YY1AP1: variants seen among roughly 807,000 people sequenced by gnomAD.
YY1AP1 encodes YY1-associated protein 1.
A neutral mutation model predicts 39.9 loss-of-function variants in YY1AP1; 43 were observed. That is an observed-to-expected ratio of 1.08 (90% CI 0.84 to 1.39). The LOEUF is 1.39. Ranked by LOEUF, YY1AP1 falls within the 40% of genes most tolerant of loss-of-function variation. YY1AP1 has a pLI of 0.00. For synonymous variants in YY1AP1, 292 were observed against 331.3 expected, an observed-to-expected ratio of 0.88 and a Z score of 1.29; for missense variants, 813 against 900.7, an observed-to-expected ratio of 0.90 and a Z score of 1.25.
At position 155,659,484 on chromosome 1, in the gene YY1AP1, CA is replaced by C; in HGVS notation, c.*172del. The C allele has an allele frequency of 7.5e-6, 5 of 665,972 alleles. No individual in the cohort carries two copies. In the East Asian group the frequency reaches 1.3e-4, roughly 17 times the overall value. 41.3% of individuals were successfully genotyped at this position (665,972 alleles called of 1,614,324 possible). A position where few individuals can be genotyped will look rare whatever the true frequency, so the allele number is the denominator to read the frequency against. On this transcript the variant is annotated 3_prime_UTR_variant, in exon 11 of 11. Coordinates refer to ENST00000355499, the MANE Select transcript of YY1AP1 (RefSeq NM_139119.3). The stretch of plus-strand genomic sequence containing the variant: ...CAATAAAAGCACAGATTTATTGAAG[CA>C]AAAGTATATTCCACAGAGTGGGAGC...
In YY1AP1 at chr1:155,670,936, G is replaced by A. The variant is rs528509509; in HGVS notation, c.584-472C>T. 1.7e-4 allele frequency: 29 copies of A among 168,548 alleles called. No individual in the cohort carries two copies. In the South Asian group the frequency reaches 4.1e-3, roughly 24 times the overall value. 10.4% of individuals were successfully genotyped at this position (168,548 alleles called of 1,614,324 possible). A position where few individuals can be genotyped will look rare whatever the true frequency, so the allele number is the denominator to read the frequency against. On this transcript the variant is annotated intron_variant, in intron 7 of 10. Transcript: ENST00000355499. ...TCCGACAGCCTCGGCCTCCTAAAGT[G>A]TTGGATTACAGGCGTAAGCCACGGC...
chr1:155,677,115 T>G (rs182291297), intron 4 of YY1AP1, among the ~76,000 whole-genome samples: 74 of 152,274 alleles, frequency 4.9e-4, no homozygotes, highest in Admixed American at 1.1e-3. Context: ...CTCCCTGGGA[T>G]GTTACTCCCA....
chr1:155,673,943 C>T (rs1027763285), intron 6 of YY1AP1, among the ~76,000 whole-genome samples: 10 of 152,026 alleles, frequency 6.6e-5, no homozygotes, highest in South Asian at 2.1e-4. Flanking sequence ...GGGCGGATCA[C>T]GAGGTCAGGA....
intron 6 of YY1AP1, 146 bp from the exon 7 acceptor site, chr1:155,672,877 T>C: frequency 9.1e-7 from 1 of 1,104,384 alleles, no homozygotes; most frequent in Non-Finnish European, 1.3e-6. Flanking sequence ...AATAAACTAC[T>C]GTTAAGATTA....
In YY1AP1 at chr1:155,681,253, C is replaced by T. The variant is rs1257370968; in HGVS notation, c.-20-797G>A. On this transcript the variant is annotated intron_variant, in intron 2 of 10. Transcript: ENST00000355499. ...CCATATTGGTCAGGCTGGTCTCAAACTCCTGACCTCAGGTGATCCGCCCAC... is the reference window on the plus strand; with the variant it reads ...CCATATTGGTCAGGCTGGTCTCAAATTCCTGACCTCAGGTGATCCGCCCAC... Among the ~76,000 whole-genome samples, 3 of 152,022 alleles carry T rather than the reference C, an allele frequency of 2.0e-5. No homozygotes were observed. In the South Asian group the frequency reaches 6.2e-4, roughly 32 times the overall value.
chr1:155,659,605 A>T lies in YY1AP1; in HGVS notation c.*52T>A. On this transcript the variant is annotated 3_prime_UTR_variant, in exon 11 of 11. Transcript: ENST00000355499. Reference sequence around the variant, plus strand: ...TATTGGTTACACCCTATGCGCCACCAATCGGAGGCCGAAGTGAAGGCTCCC... The same window carrying T: ...TATTGGTTACACCCTATGCGCCACCTATCGGAGGCCGAAGTGAAGGCTCCC... The T allele has an allele frequency of 6.2e-7, 1 of 1,600,054 alleles. No individual in the cohort carries two copies. Among genetic ancestry groups the T allele is most frequent in the South Asian group, 1.1e-5 (1 of 90,188 alleles).
At position 155,688,684 on chromosome 1, in the gene YY1AP1, C is replaced by T. The variant is rs1225415577; in HGVS notation, c.-177G>A. 6.5e-7 allele frequency: 1 copy of T among 1,529,606 alleles called. No individual in the cohort carries two copies. The highest frequency in any genetic ancestry group is 1.2e-5 in the South Asian group (1 of 83,028). The allele number at this position is 1,529,606 out of a possible 1,614,324, so 94.8% of individuals were successfully genotyped here. The stretch of plus-strand genomic sequence containing the variant: ...CTTCAGCGGCGCGAGCCCAAGCCTT[C>T]TCCACCTCCTCTTCTCTCCTCCCCC... On this transcript the variant is annotated 5_prime_UTR_variant, in exon 1 of 11. Transcript: ENST00000355499.
Position 155,659,649 on chromosome 1 carries a change from C to G in YY1AP1, c.*8G>C. ...GGCTCCCAGTCTCCAGACTCTTATT[C>G]TCCTAGCTCAAAGAAATCCACTGAT... On this transcript the variant is annotated 3_prime_UTR_variant, in exon 11 of 11. Coordinates refer to ENST00000355499, the MANE Select transcript of YY1AP1 (RefSeq NM_139119.3). 6.2e-7 allele frequency: 1 copy of G among 1,614,038 alleles called. No homozygotes were observed. The highest frequency in any genetic ancestry group is 8.5e-7 in the Non-Finnish European group (1 of 1,179,962).
intron 7 of YY1AP1, 31 bp from the exon 8 acceptor site, chr1:155,670,495 C>A (rs1346284824): frequency 1.2e-6 from 2 of 1,611,306 alleles, no homozygotes; most frequent in South Asian, 2.2e-5. Context: ...GATAAATCAA[C>A]TTCTAGGAAA....
rs1025149759 is a variant in YY1AP1, at chr1:155,659,711, T to G, written c.2199A>C (p.Glu733Asp). 3 of 1,614,110 alleles carry G rather than the reference T, an allele frequency of 1.9e-6. No homozygotes were observed. The highest frequency in any genetic ancestry group is 2.2e-5 in the East Asian group (1 of 44,902). The change falls in exon 11 of 11, where the codon GAA becomes GAC. Residue 733 changes from glutamate (E) to aspartate (D), a missense_variant. By Grantham distance (45) the Glu-to-Asp change is conservative (BLOSUM62 2). Coordinates refer to ENST00000355499, the MANE Select transcript of YY1AP1 (RefSeq NM_139119.3). ...LNNSSPGDLE[E>D]VVKMEPEDAT... is the part of the protein sequence containing the mutation. The stretch of plus-strand genomic sequence containing the variant: ...CATCTTCAGGTTCCATCTTGACAAC[T>G]TCCTCTAAATCCCCAGGGGAAGAGT...
chr1:155,667,979 T>C (rs886722116), intron 9 of YY1AP1, among the ~76,000 whole-genome samples: 33 of 147,840 alleles, frequency 2.2e-4, no homozygotes, highest in East Asian at 5.9e-4. Context: ...CACACACACA[T>C]ACATGCATAC....
intron 9 of YY1AP1, 27 bp from the exon 10 acceptor site, chr1:155,661,450 T>A (rs1648098956): frequency 6.2e-7 from 1 of 1,613,130 alleles, no homozygotes; most frequent in South Asian, 1.1e-5. Context: ...TGCGCATGAA[T>A]TACATTCCTT....
At chr1:155,670,584 T>C in intron 7 of YY1AP1, 120 bp from the exon 8 acceptor site, 1 of 1,019,190 alleles carries the variant, frequency 9.8e-7, no homozygotes, top group Non-Finnish European at 1.4e-6. Context: ...TTCCCTCCCA[T>C]CTGCCTACCA....
chr1:155,669,124 C>A (rs951979207), intron 8 of YY1AP1, among the ~76,000 whole-genome samples: 14 of 152,168 alleles, frequency 9.2e-5, no homozygotes, highest in Admixed American at 8.5e-4. Flanking sequence ...GTCTTGAATG[C>A]CTGGGTTCAA....
At chr1:155,686,026 CTTTTTTTT>C (rs768966023) in intron 2 of YY1AP1, among the ~76,000 whole-genome samples, 5 of 76,338 alleles carry the variant, frequency 6.5e-5, no homozygotes, top group Non-Finnish European at 1.2e-4. Flanking sequence ...TGAAATCAGT[CTTTTTTTT>C]TTTTTTTTTT....
rs1403751915 is a variant in YY1AP1 at position 155,661,419 on chromosome 1, T to C, written c.884A>G (p.Tyr295Cys). 2.5e-6 allele frequency: 4 copies of C among 1,613,744 alleles called. No individual in the cohort carries two copies. The Admixed American group carries it at 5.0e-5, about 20-fold the overall frequency. Reference protein sequence around the residue: ...NRAPDNIIKFYKKTKQLPVLG... With the variant: ...NRAPDNIIKFCKKTKQLPVLG... ...GACTGGCAGCTGTTTGGTCTTCTTATAAAACTTAACATGAAAAAAATGCGC... is the reference window on the plus strand; with the variant it reads ...GACTGGCAGCTGTTTGGTCTTCTTACAAAACTTAACATGAAAAAAATGCGC... Residue 295 changes from tyrosine to cysteine, a missense_variant, in exon 10 of 11, where the codon TAT becomes TGT. By Grantham distance (194) the Tyr-to-Cys change is radical. Around this residue, in one of 3 missense-constraint regions of YY1AP1, gnomAD observed 586 missense variants for 647.4 expected, o/e 0.91. Transcript: ENST00000355499.
intron 9 of YY1AP1, among the ~76,000 whole-genome samples, chr1:155,661,656 AT>A (rs1648169977): frequency 6.6e-6 from 1 of 152,136 alleles, no homozygotes; most frequent in African/African-American, 2.4e-5. Flanking sequence ...TTTTATAGTT[AT>A]TCAGTATTTT....
intron 9 of YY1AP1, among the ~76,000 whole-genome samples, chr1:155,662,681 G>A (rs1409541664): frequency 6.6e-6 from 1 of 152,168 alleles, no homozygotes. Flanking sequence ...GGAGAGTCAA[G>A]TGGACAAATG....
chr1:155,670,694 T>A (rs1571334208), intron 7 of YY1AP1: 24 of 412,180 alleles, frequency 5.8e-5, no homozygotes, highest in South Asian at 5.5e-4. Flanking sequence ...TTTTTTTTTT[T>A]AGACGGAGTC....
Sources: allele counts gnomAD v4.1 joint callset (sites outside exome capture counted in the v4.1 genomes callset), GRCh38; gene constraint gnomAD v4.1.1; regional missense constraint gnomAD v4.1.1; transcripts MANE v1.5; gene names NCBI Gene and HGNC (gene_info 2026-07-23, HGNC 2026-07-21).